The following ANO7 variants were observed in gnomAD, a reference collection of about 807,000 sequenced individuals.
ANO7 encodes the protein anoctamin-7.
Under a neutral mutation model 115.8 loss-of-function variants are expected in ANO7, and 114 were observed. The ratio of observed to expected loss-of-function variants is 0.98; its 90% confidence interval spans 0.85 to 1.15. The LOEUF (loss-of-function observed/expected upper bound fraction) is 1.15. ANO7 is among the 50% of genes most tolerant of loss of function. The pLI, the probability that ANO7 is intolerant of heterozygous loss-of-function variation, is 0.00. For missense variants in ANO7, 1,302 were observed against 1,201.2 expected, an observed-to-expected ratio of 1.08 and a Z score of -1.24; for synonymous variants, 550 against 498.2, an observed-to-expected ratio of 1.10 and a Z score of -1.38.
chr2:241,211,868 A>G (rs1032457394), intron 15 of ANO7, among the ~76,000 whole-genome samples: 34 of 152,132 alleles, frequency 2.2e-4, no homozygotes, highest in Non-Finnish European at 8.8e-5. Flanking sequence ...CACCACATTC[A>G]TTATTAGTGT....
At chr2:241,189,746 T>C (rs1215160910) in intron 1 of ANO7, among the ~76,000 whole-genome samples, 2 of 151,982 alleles carry the variant, frequency 1.3e-5, no homozygotes, top group Admixed American at 6.5e-5. Context: ...CTCCACTGAG[T>C]ACCCAGGCAG....
At chr2:241,190,560 G>A (rs985215896) in intron 2 of ANO7, among the ~76,000 whole-genome samples, 3 of 152,246 alleles carry the variant, frequency 2.0e-5, no homozygotes, top group East Asian at 1.9e-4. Context: ...CCATGGATGC[G>A]CTGTGAGCCT....
Position 241,221,562 on chromosome 2 carries a change from G to C in ANO7, c.2322-1624G>C, listed in dbSNP as rs1203926009. On this transcript the variant is annotated intron_variant, in intron 21 of 24. Transcript: ENST00000674324. The stretch of plus-strand genomic sequence containing the variant: ...TTTTTTTTTTTTTGTATTTTTAGTA[G>C]AGACAAAGGTTTCACCATGTTGGCC... 4.0e-5 allele frequency among the ~76,000 whole-genome samples: 6 copies of C among 151,348 alleles called. No homozygotes were observed. The South Asian group carries it at 8.3e-4, about 21-fold the overall frequency.
intron 21 of ANO7, among the ~76,000 whole-genome samples, chr2:241,221,961 G>A (rs1393219471): frequency 6.6e-6 from 1 of 152,160 alleles, no homozygotes; most frequent in African/African-American, 2.4e-5. Flanking sequence ...ATGGCCGGGC[G>A]CGGGGGCTCA....
downstream of ANO7, chr2:241,229,787 C>A (rs776121228): frequency 1.8e-6 from 2 of 1,137,526 alleles, no homozygotes; most frequent in East Asian, 2.7e-5. Flanking sequence ...CCCGCCTGCC[C>A]GCCCACCCTC....
intron 2 of ANO7, 135 bp from the exon 3 acceptor site, chr2:241,191,058 CT>C (rs2068189309): frequency 1.0e-6 from 1 of 962,416 alleles, no homozygotes; most frequent in African/African-American, 1.6e-5. Flanking sequence ...GAACATTCTT[CT>C]GTGGTCCTGA....
intron 16 of ANO7, 95 bp downstream of exon 16, chr2:241,212,300 C>T: frequency 7.8e-7 from 1 of 1,276,478 alleles, no homozygotes; most frequent in Non-Finnish European, 1.1e-6. Context: ...TCCAGCCGTG[C>T]TCAGGCAGGT....
chr2:241,191,661 G>T (rs74003625), intron 3 of ANO7, among the ~76,000 whole-genome samples: 1 of 151,872 alleles, frequency 6.6e-6, no homozygotes, highest in African/African-American at 2.4e-5. Flanking sequence ...AGCTACCACC[G>T]ACTCCAGGGG....
In ANO7 at chr2:241,199,307, T is replaced by C; in HGVS notation, c.310-9T>C. 8 of 1,613,006 alleles carry C rather than the reference T, an allele frequency of 5.0e-6. No individual in the cohort carries two copies. Among genetic ancestry groups the C allele is most frequent in the Non-Finnish European group, 6.8e-6 (8 of 1,179,516 alleles). On this transcript the variant is annotated splice_polypyrimidine_tract_variant and intron_variant, in intron 4 of 24. Transcript: ENST00000674324. The stretch of plus-strand genomic sequence containing the variant: ...CCTCAGGCTCTCACGGAGCCCTGGG[T>C]GCCTACAGCAGGACGTCCAGGACGG...
rs536403031 is a variant in ANO7, at chr2:241,223,810, C to T, written c.2532+29C>T. ...AACTGTACAGCCCAGTCTCGGCCCT[C>T]CCCCCAGCCCTCTCCCTATCCTTGT... On this transcript the variant is annotated intron_variant, in intron 23 of 24. Coordinates refer to ENST00000674324, the MANE Select transcript of ANO7 (RefSeq NM_001370694.2). 10 of 1,614,062 alleles carry T rather than the reference C, an allele frequency of 6.2e-6. No individual in the cohort carries two copies. In the African/African-American group the frequency reaches 1.2e-4, roughly 19 times the overall value.
intron 11 of ANO7, among the ~76,000 whole-genome samples, chr2:241,208,046 C>T (rs923374629): frequency 6.6e-6 from 1 of 152,096 alleles, no homozygotes; most frequent in Admixed American, 6.6e-5. Context: ...AAGACCTGGG[C>T]GGGAGGCTCC....
intron 21 of ANO7, among the ~76,000 whole-genome samples, chr2:241,222,438 C>T (rs1045340593): frequency 1.3e-5 from 2 of 151,918 alleles, no homozygotes; most frequent in Non-Finnish European, 2.9e-5. Context: ...CCCAAGTGTG[C>T]TCTCTGTGTT....
downstream of ANO7, chr2:241,229,484 A>AG: frequency 1.4e-6 from 1 of 739,060 alleles, no homozygotes; most frequent in Non-Finnish European, 2.2e-6. Flanking sequence ...GACCTCGGGA[A>AG]GGGGGAAGAG....
rs756045939 is a variant in ANO7 at position 241,216,045 on chromosome 2, G to A, written c.1827-48G>A. ...TCCCCCAAGGACTATAGCAGCCACT[G>A]AGACCCATGTTGGATCAAAGGCCAT... On this transcript the variant is annotated intron_variant, in intron 18 of 24. Transcript: ENST00000674324. The A allele has an allele frequency of 2.6e-6, 4 of 1,560,510 alleles. No homozygotes were observed. In the South Asian group the frequency reaches 3.7e-5, roughly 14 times the overall value.
intron 11 of ANO7, among the ~76,000 whole-genome samples, chr2:241,208,871 T>C (rs374554826): frequency 4.6e-4 from 70 of 152,266 alleles, no homozygotes; most frequent in Middle Eastern, 3.4e-3. Context: ...GTCAGGGGGC[T>C]GGGCACGGTG....
chr2:241,209,575 C>A lies in ANO7; in HGVS notation c.1299C>A (p.Tyr433Ter). 6.2e-7 allele frequency: 1 copy of A among 1,603,668 alleles called. No individual in the cohort carries two copies. Among genetic ancestry groups the A allele is most frequent in the Admixed American group, 1.7e-5 (1 of 59,382 alleles). The part of the protein sequence containing the change: ...PNPITGEDEP[Y>*]FPERSRARRM... ...CCATCACGGGTGAGGACGAGCCCTACTTCCCTGAGAGGAGCCGCGCGCGCC... is the reference window on the plus strand; with the variant it reads ...CCATCACGGGTGAGGACGAGCCCTAATTCCCTGAGAGGAGCCGCGCGCGCC... Residue 433 changes from tyrosine (Y) to a stop codon, truncating the protein, a stop_gained, in exon 13 of 25, where the codon TAC becomes TAA. Coordinates refer to ENST00000674324, the MANE Select transcript of ANO7 (RefSeq NM_001370694.2). LOFTEE classifies it high-confidence loss of function.
chr2:241,235,178 C>A, the ANO7 span: 2 of 1,614,172 alleles, frequency 1.2e-6, no homozygotes, highest in Non-Finnish European at 1.7e-6. Flanking sequence ...CAGCCTTGGC[C>A]CGGTCCAAAT....
Position 241,192,727 on chromosome 2 carries a change from G to A in ANO7, c.166+1476G>A, listed in dbSNP as rs558479800. 2.8e-4 allele frequency among the ~76,000 whole-genome samples: 42 copies of A among 152,286 alleles called. No individual in the cohort carries two copies. In the South Asian group the frequency reaches 7.9e-3, roughly 29 times the overall value. On this transcript the variant is annotated intron_variant, in intron 3 of 24. Coordinates refer to ENST00000674324, the MANE Select transcript of ANO7 (RefSeq NM_001370694.2). ...GCAAAATGTGGTATTTACATCCAAC[G>A]GATTTATTCAGCCTTAAAAAGGCAG...
At chr2:241,204,381 T>G (rs2068541512) in intron 9 of ANO7, among the ~76,000 whole-genome samples, 1 of 118,080 alleles carries the variant, frequency 8.5e-6, no homozygotes, top group African/African-American at 3.3e-5. Flanking sequence ...GGGCCTGGGG[T>G]AACTGAGGGA....
Sources: gnomAD v4.1 joint callset for allele counts (sites outside exome capture counted in the v4.1 genomes callset) on GRCh38, gnomAD v4.1.1 for gene constraint, MANE v1.5 for transcripts, NCBI Gene and HGNC (gene_info 2026-07-23, HGNC 2026-07-21) for gene names.